Variants in TMEM272 observed in about 807,000 individuals in gnomAD.
The protein encoded by TMEM272 is long intergenic non-protein coding RNA 282.
A neutral mutation model predicts 3.7 loss-of-function variants in TMEM272; 8 were observed. The ratio of observed to expected loss-of-function variants is 2.17; its 90% confidence interval spans 1.27 to 3.91. The LOEUF (loss-of-function observed/expected upper bound fraction) is 3.91. Among genes scored for constraint, TMEM272 ranks in the 30% most tolerant of loss-of-function variants. The probability of loss-of-function intolerance (pLI) is 0.00; values close to 1 mark genes in which losing one functional copy is unlikely to be tolerated. For synonymous variants in TMEM272, 63 were observed against 39.8 expected, an observed-to-expected ratio of 1.58 and a Z score of -2.20; for missense variants, 166 against 91.5, an observed-to-expected ratio of 1.81 and a Z score of -3.32.
intron 4 of TMEM272, among the ~76,000 whole-genome samples, chr13:51,817,834 CTG>C (rs1956047302): frequency 1.3e-5 from 2 of 152,190 alleles, no homozygotes; most frequent in Non-Finnish European, 2.9e-5. Context: ...TAGATGGTCC[CTG>C]ACTCCAGCCT....
chr13:51,851,652 G>A, the TMEM272 span, among the ~76,000 whole-genome samples: 6 of 151,564 alleles, frequency 4.0e-5, no homozygotes, highest in Non-Finnish European at 8.8e-5. Flanking sequence ...AGCCTCCTGA[G>A]TAACTGGGAC....
upstream of TMEM272, among the ~76,000 whole-genome samples, chr13:51,850,039 A>G (rs979696162): frequency 3.9e-5 from 6 of 152,158 alleles, no homozygotes; most frequent in African/African-American, 1.4e-4. Context: ...ATGTATTGAG[A>G]CTAAAAAACA....
At chr13:51,909,724 T>C in the TMEM272 span, 12 of 1,547,644 alleles carry the variant, frequency 7.8e-6, no homozygotes, top group East Asian at 2.3e-5. Context: ...GCACCATCTT[T>C]CAATTCACTG....
chr13:51,851,309 G>A, the TMEM272 span, among the ~76,000 whole-genome samples: 1 of 151,648 alleles, frequency 6.6e-6, no homozygotes, highest in African/African-American at 2.4e-5. Context: ...ACTCCAACCT[G>A]AACTACAGAG....
At chr13:51,928,315 C>T in the TMEM272 span, among the ~76,000 whole-genome samples, 1 of 152,220 alleles carries the variant, frequency 6.6e-6, no homozygotes, top group Non-Finnish European at 1.5e-5. Flanking sequence ...CATCATCACT[C>T]TTAACAGCAA....
the TMEM272 span, among the ~76,000 whole-genome samples, chr13:51,879,311 C>T: frequency 6.6e-6 from 1 of 152,114 alleles, no homozygotes. Flanking sequence ...ATGACATAAT[C>T]CAGTACCCAT....
At chr13:51,902,661 T>C in the TMEM272 span, among the ~76,000 whole-genome samples, 1 of 152,134 alleles carries the variant, frequency 6.6e-6, no homozygotes, top group African/African-American at 2.4e-5. Context: ...CCTGCCTCAG[T>C]CAAGCCTGCA....
chr13:51,911,314 C>T, the TMEM272 span, among the ~76,000 whole-genome samples: 1 of 152,206 alleles, frequency 6.6e-6, no homozygotes, highest in African/African-American at 2.4e-5. Flanking sequence ...AAGGGCTCAC[C>T]TCTGCCTAGC....
At chr13:51,857,817 C>T in the TMEM272 span, among the ~76,000 whole-genome samples, 1 of 151,816 alleles carries the variant, frequency 6.6e-6, no homozygotes, top group Admixed American at 6.6e-5. Flanking sequence ...AAATAAATGA[C>T]AAATTGTATT....
At chr13:51,831,782 A>G (rs1336526609) in intron 2 of TMEM272, among the ~76,000 whole-genome samples, 1 of 152,258 alleles carries the variant, frequency 6.6e-6, no homozygotes, top group African/African-American at 2.4e-5. Context: ...GCGGCTTGAC[A>G]GCAGTGACCA....
At chr13:51,885,466 C>A in the TMEM272 span, among the ~76,000 whole-genome samples, 3 of 152,188 alleles carry the variant, frequency 2.0e-5, no homozygotes, top group African/African-American at 7.2e-5. Context: ...CTTGTGAGAA[C>A]TCACTCACTA....
the TMEM272 span, chr13:51,908,849 G>A: frequency 3.5e-6 from 5 of 1,436,074 alleles, no homozygotes; most frequent in Non-Finnish European, 4.9e-6. Flanking sequence ...GAGGTGACAG[G>A]GGCCCAGTGT....
At chr13:51,898,590 C>T in the TMEM272 span, among the ~76,000 whole-genome samples, 1 of 149,866 alleles carries the variant, frequency 6.7e-6, no homozygotes, top group Non-Finnish European at 1.5e-5. Context: ...TTAAACTAAA[C>T]AATATATGCA....
chr13:51,839,154 C>T (rs542429913), intron 1 of TMEM272, among the ~76,000 whole-genome samples: 82 of 152,162 alleles, frequency 5.4e-4, no homozygotes, highest in Non-Finnish European at 1.0e-3. Flanking sequence ...GAGACCCGAG[C>T]GGCCTGGAGC....
At chr13:51,889,356 G>A in the TMEM272 span, among the ~76,000 whole-genome samples, 3 of 152,160 alleles carry the variant, frequency 2.0e-5, no homozygotes, top group Non-Finnish European at 4.4e-5. Context: ...GGCCTTTAAA[G>A]AGGTAATTAA....
chr13:51,817,115 T>G lies in TMEM272; in HGVS notation c.202-2A>C. The G allele has an allele frequency of 2.9e-6, 2 of 697,204 alleles. No individual in the cohort carries two copies. Among genetic ancestry groups the G allele is most frequent in the Admixed American group, 2.0e-5 (1 of 49,926 alleles). The allele number at this position is 697,204 out of a possible 1,614,324, so 43.2% of individuals were successfully genotyped here. ...GGAGTCGTACAACAGGAGAGACACC[T>G]GGGGCGTGGTGGGGAGCCAGGGTGG... On this transcript the variant is annotated splice_acceptor_variant, in intron 4 of 4. Coordinates refer to ENST00000629372, the MANE Select transcript of TMEM272 (RefSeq NM_001351003.2). LOFTEE classifies it high-confidence loss of function.
At chr13:51,855,096 T>A in the TMEM272 span, among the ~76,000 whole-genome samples, 1 of 152,186 alleles carries the variant, frequency 6.6e-6, no homozygotes, top group East Asian at 1.9e-4. Flanking sequence ...GATTTCAAAT[T>A]GAAAGCAGTG....
chr13:51,827,017 G>A (rs1018536642), intron 2 of TMEM272, among the ~76,000 whole-genome samples: 2 of 152,234 alleles, frequency 1.3e-5, no homozygotes, highest in African/African-American at 4.8e-5. Context: ...ACTCAGGGCA[G>A]ATGGTTCTTC....
intron 2 of TMEM272, among the ~76,000 whole-genome samples, chr13:51,837,246 C>G (rs1221434682): frequency 5.9e-5 from 9 of 152,210 alleles, no homozygotes; most frequent in Non-Finnish European, 7.3e-5. Context: ...CCTGGTGTTG[C>G]CATCAGCACT....
Sources: gnomAD v4.1 joint callset for allele counts (sites outside exome capture counted in the v4.1 genomes callset) on GRCh38, gnomAD v4.1.1 for gene constraint, MANE v1.5 for transcripts, NCBI Gene and HGNC (gene_info 2026-07-23, HGNC 2026-07-21) for gene names.